NKAIN3: variants seen among roughly 807,000 people sequenced by gnomAD.
NKAIN3 encodes the protein sodium/potassium-transporting ATPase subunit beta-1-interacting protein 3.
In NKAIN3, 25 loss-of-function variants were observed where a neutral mutation model predicts 30.2. The ratio of observed to expected loss-of-function variants is 0.83; its 90% CI spans 0.60 to 1.16. NKAIN3 has a LOEUF of 1.16. NKAIN3 is among the 50% of genes most tolerant of loss of function. The pLI, the probability that NKAIN3 is intolerant of heterozygous loss-of-function variation, is 0.00. For missense variants in NKAIN3, 225 were observed against 254.1 expected (o/e 0.89, Z 0.78); for synonymous variants, 91 against 89.6 (o/e 1.02, Z -0.09).
intron 1 of NKAIN3, among the ~76,000 whole-genome samples, chr8:62,287,695 G>A (rs1813425825): frequency 6.6e-6 from 1 of 152,132 alleles, no homozygotes; most frequent in African/African-American, 2.4e-5. Flanking sequence ...CATTTATCAA[G>A]ATTTGATCTA....
intron 4 of NKAIN3, among the ~76,000 whole-genome samples, chr8:62,763,259 A>AAAAAAAAAAAAAAAAAAAAAAC (rs1563551311): frequency 7.1e-6 from 1 of 140,380 alleles, no homozygotes; most frequent in African/African-American, 2.8e-5. Context: ...AAAAAAAAAA[A>AAAAAAAAAAAAAAAAAAAAAAC]AACTTATATA....
intron 1 of NKAIN3, among the ~76,000 whole-genome samples, chr8:62,435,169 C>T (rs1805130329): frequency 6.6e-6 from 1 of 152,138 alleles, no homozygotes; most frequent in African/African-American, 2.4e-5. Flanking sequence ...ATGCTTCCCC[C>T]TGTTTTGCTG....
At chr8:62,894,137 A>C (rs1821367240) in intron 4 of NKAIN3, among the ~76,000 whole-genome samples, 1 of 152,178 alleles carries the variant, frequency 6.6e-6, no homozygotes. Flanking sequence ...AGTTGATTTC[A>C]GTGGCAAAAA....
intron 1 of NKAIN3, among the ~76,000 whole-genome samples, chr8:62,550,486 G>T (rs1177409875): frequency 6.6e-6 from 1 of 152,332 alleles, no homozygotes. Flanking sequence ...AGACCTATAG[G>T]TTCCTAGAAA....
intron 3 of NKAIN3, among the ~76,000 whole-genome samples, chr8:62,590,622 A>G (rs955938069): frequency 1.3e-5 from 2 of 151,920 alleles, no homozygotes; most frequent in Non-Finnish European, 2.9e-5. Flanking sequence ...ACTGCTTTAT[A>G]ACAGTCTCAG....
rs957258458 is a variant in NKAIN3 at position 62,268,738 on chromosome 8, C to T, written c.54+19611C>T. 9.2e-5 allele frequency among the ~76,000 whole-genome samples: 14 copies of T among 152,128 alleles called. No homozygotes were observed. The East Asian group carries it at 1.7e-3, about 19-fold the overall frequency. ...TTTCACCCAAGGTCACATTGCTGGC[C>T]GATAAACAGAGCTGAGATTCCAACC... On this transcript the variant is annotated intron_variant, in intron 1 of 6. Transcript: ENST00000623646.
chr8:62,500,490 AAAG>A (rs1162533235), intron 1 of NKAIN3, among the ~76,000 whole-genome samples: 4 of 138,620 alleles, frequency 2.9e-5, no homozygotes, highest in African/African-American at 8.8e-5. Flanking sequence ...AGAAAGAAGA[AAAG>A]AAAGAAAGAA....
At chr8:62,647,512 G>C (rs143905654) in intron 3 of NKAIN3, among the ~76,000 whole-genome samples, 5 of 152,262 alleles carry the variant, frequency 3.3e-5, no homozygotes, top group Middle Eastern at 3.4e-3. Context: ...GGTTTGGCAG[G>C]GATCTCCGAC....
At chr8:62,906,445 CAG>C (rs1309841451) in intron 4 of NKAIN3, among the ~76,000 whole-genome samples, 10 of 152,174 alleles carry the variant, frequency 6.6e-5, no homozygotes, top group Admixed American at 5.9e-4. Flanking sequence ...TGAAGGATTT[CAG>C]AGAGTCATTT....
chr8:62,772,408 C>T (rs180868885), intron 4 of NKAIN3, among the ~76,000 whole-genome samples: 10 of 152,240 alleles, frequency 6.6e-5, no homozygotes, highest in Non-Finnish European at 1.5e-5. Context: ...TGAGAAACGT[C>T]CAAAGTCTTC....
At chr8:62,517,307 T>C (rs186983954) in intron 1 of NKAIN3, among the ~76,000 whole-genome samples, 414 of 152,232 alleles carry the variant, frequency 2.7e-3, no homozygotes, top group African/African-American at 8.6e-3. Context: ...TTATAACAAA[T>C]ATCACCAAAC....
chr8:62,639,008 A>G (rs1180969195), intron 3 of NKAIN3, among the ~76,000 whole-genome samples: 1 of 152,166 alleles, frequency 6.6e-6, no homozygotes, highest in Admixed American at 6.6e-5. Context: ...CTTTCTCTGC[A>G]AGTGTACTAT....
At chr8:62,658,449 G>A (rs1199621565) in intron 3 of NKAIN3, among the ~76,000 whole-genome samples, 1 of 152,200 alleles carries the variant, frequency 6.6e-6, no homozygotes, top group African/African-American at 2.4e-5. Context: ...AACTGAGGCA[G>A]TGGGTGTTCG....
At chr8:62,685,155 G>A (rs567033435) in intron 3 of NKAIN3, among the ~76,000 whole-genome samples, 7 of 152,266 alleles carry the variant, frequency 4.6e-5, no homozygotes, top group Admixed American at 2.6e-4. Flanking sequence ...TAACATTGGC[G>A]AGATTCATGA....
intron 4 of NKAIN3, among the ~76,000 whole-genome samples, chr8:62,848,974 T>G (rs1185902373): frequency 6.6e-6 from 1 of 152,178 alleles, no homozygotes; most frequent in African/African-American, 2.4e-5. Context: ...TTTATTGTTT[T>G]GTGTATGTTG....
chr8:62,797,366 G>T (rs974602223), intron 4 of NKAIN3, among the ~76,000 whole-genome samples: 9 of 152,212 alleles, frequency 5.9e-5, no homozygotes, highest in African/African-American at 2.2e-4. Flanking sequence ...TTTGGAAAAT[G>T]TGTACACATG....
chr8:62,337,523 A>G (rs1181469795), intron 1 of NKAIN3, among the ~76,000 whole-genome samples: 1 of 151,930 alleles, frequency 6.6e-6, no homozygotes, highest in African/African-American at 2.4e-5. Flanking sequence ...CCTGTGTTTT[A>G]CAAGTAGTTG....
intron 3 of NKAIN3, among the ~76,000 whole-genome samples, chr8:62,681,367 A>G (rs1426332780): frequency 6.6e-6 from 1 of 152,154 alleles, no homozygotes; most frequent in Non-Finnish European, 1.5e-5. Flanking sequence ...CATTTCATGG[A>G]TTTAGTCTAC....
Position 62,517,508 on chromosome 8 carries a change from T to C in NKAIN3, c.55-62031T>C, listed in dbSNP as rs535517109. ...AAAGAGAATACCGTATGATTTTTCA[T>C]TGGCAATGAGAAGCTTTAGATCGAA... On this transcript the variant is annotated intron_variant, in intron 1 of 6. Transcript: ENST00000623646. 3.9e-5 allele frequency among the ~76,000 whole-genome samples: 6 copies of C among 152,278 alleles called. No homozygotes were observed. In the South Asian group the frequency reaches 6.2e-4, roughly 16 times the overall value.
Sources: gnomAD v4.1 joint callset for allele counts (sites outside exome capture counted in the v4.1 genomes callset) on GRCh38, gnomAD v4.1.1 for gene constraint, MANE v1.5 for transcripts, NCBI Gene and HGNC (gene_info 2026-07-23, HGNC 2026-07-21) for gene names.